CACNG3: variants seen among roughly 807,000 people sequenced by gnomAD.
CACNG3 encodes calcium voltage-gated channel auxiliary subunit gamma 3.
A neutral mutation model predicts 28.5 loss-of-function variants in CACNG3; 3 were observed. The observed-to-expected ratio is 0.11, with a 90% CI of 0.05 to 0.27. The LOEUF (loss-of-function observed/expected upper bound fraction) is 0.27. CACNG3 is among the 10% of genes least tolerant of loss of function. The pLI, the probability that CACNG3 is intolerant of heterozygous loss-of-function variation, is 1.00. For missense variants in CACNG3, 236 were observed against 414.4 expected (o/e 0.57, Z 3.74); for synonymous variants, 174 against 162.2 (o/e 1.07, Z -0.55).
intron 3 of CACNG3, among the ~76,000 whole-genome samples, chr16:24,359,982 CT>C (rs895012557): frequency 5.3e-5 from 8 of 152,224 alleles, no homozygotes; most frequent in African/African-American, 1.9e-4. Flanking sequence ...AGCTTTAACC[CT>C]TTGGTTGCTG....
At chr16:24,328,414 G>T (rs777926538) in intron 1 of CACNG3, among the ~76,000 whole-genome samples, 1 of 148,870 alleles carries the variant, frequency 6.7e-6, no homozygotes, top group Non-Finnish European at 1.5e-5. Flanking sequence ...CGTAGGCCAG[G>T]TTAAGGACTT....
chr16:24,312,150 T>C (rs1899272571), intron 1 of CACNG3, among the ~76,000 whole-genome samples: 2 of 152,196 alleles, frequency 1.3e-5, no homozygotes, highest in African/African-American at 4.8e-5. Context: ...TGGTTCACAG[T>C]GTGCCGGTGG....
chr16:24,323,701 C>G (rs1174949439), intron 1 of CACNG3, among the ~76,000 whole-genome samples: 1 of 152,174 alleles, frequency 6.6e-6, no homozygotes, highest in East Asian at 1.9e-4. Context: ...GAGTCATTAC[C>G]TTTGCCTGGA....
intron 1 of CACNG3, among the ~76,000 whole-genome samples, chr16:24,275,866 T>C (rs754431821): frequency 2.1e-4 from 32 of 152,216 alleles, no homozygotes; most frequent in Non-Finnish European, 4.0e-4. Flanking sequence ...TGTTACAAAG[T>C]TATGCCTGGC....
intron 1 of CACNG3, among the ~76,000 whole-genome samples, chr16:24,342,624 C>G (rs1393721014): frequency 6.6e-6 from 1 of 152,146 alleles, no homozygotes; most frequent in Non-Finnish European, 1.5e-5. Flanking sequence ...ATAGTGGCAT[C>G]AACATGTTTT....
chr16:24,321,513 G>C (rs1899458696), intron 1 of CACNG3, among the ~76,000 whole-genome samples: 1 of 152,190 alleles, frequency 6.6e-6, no homozygotes, highest in South Asian at 2.1e-4. Flanking sequence ...CAGATGGATT[G>C]TGTTAGTATT....
At chr16:24,325,905 A>T (rs76701815) in intron 1 of CACNG3, among the ~76,000 whole-genome samples, 1 of 152,208 alleles carries the variant, frequency 6.6e-6, no homozygotes, top group Non-Finnish European at 1.5e-5. Context: ...AATAAGCGTA[A>T]GCAGCCACAT....
intron 1 of CACNG3, among the ~76,000 whole-genome samples, chr16:24,281,526 T>C (rs977471713): frequency 6.6e-6 from 1 of 152,144 alleles, no homozygotes; most frequent in Non-Finnish European, 1.5e-5. Context: ...TGTACTTGAA[T>C]CCAGCATAAC....
At chr16:24,288,873 A>G (rs553968118) in intron 1 of CACNG3, among the ~76,000 whole-genome samples, 22 of 136,364 alleles carry the variant, frequency 1.6e-4, no homozygotes, top group South Asian at 8.7e-4. Flanking sequence ...TGACACATAA[A>G]CACACACACA....
intron 1 of CACNG3, among the ~76,000 whole-genome samples, chr16:24,267,577 C>T (rs534008206): frequency 1.2e-4 from 18 of 152,266 alleles, no homozygotes; most frequent in Non-Finnish European, 1.6e-4. Flanking sequence ...TTTAAACCAC[C>T]GTGCCCCACC....
chr16:24,317,549 AAAG>A lies in CACNG3; in HGVS notation c.212-29182_212-29180del, dbSNP rs1446232476. Among the ~76,000 whole-genome samples, 346 of 133,220 alleles carry A rather than the reference AAAG, an allele frequency of 2.6e-3. 4 individuals carry two copies. Among genetic ancestry groups the A allele is most frequent in the African/African-American group, 9.7e-3 (335 of 34,664 alleles). The allele number at this position is 133,220 out of a possible 152,430, so 87.4% of individuals were successfully genotyped here. Reference sequence around the variant, plus strand: ...AGGGAGATTCTGTCTCAAAAAAAAAAAAGAAAAAGAAAGAAAGAAAGAAAGAAA... The same window carrying A: ...AGGGAGATTCTGTCTCAAAAAAAAAAAAAAAGAAAGAAAGAAAGAAAGAAA... On this transcript the variant is annotated intron_variant, in intron 1 of 3. Coordinates refer to ENST00000005284, the MANE Select transcript of CACNG3 (RefSeq NM_006539.4).
intron 2 of CACNG3, among the ~76,000 whole-genome samples, chr16:24,353,861 G>T (rs899245115): frequency 6.6e-6 from 1 of 152,076 alleles, no homozygotes; most frequent in Non-Finnish European, 1.5e-5. Context: ...ATACAGGGCT[G>T]GCTGCGTCAT....
At position 24,361,265 on chromosome 16, in the gene CACNG3, A is replaced by G; in HGVS notation, c.437-87A>G. 1 of 1,114,964 alleles carries G rather than the reference A, an allele frequency of 9.0e-7. No individual in the cohort carries two copies. The highest frequency in any genetic ancestry group is 1.3e-6 in the Non-Finnish European group (1 of 769,632). The allele number at this position is 1,114,964 out of a possible 1,614,324, so 69.1% of individuals were successfully genotyped here. On this transcript the variant is annotated intron_variant, in intron 3 of 3. Coordinates refer to ENST00000005284, the MANE Select transcript of CACNG3 (RefSeq NM_006539.4). This position sits in a 1 kb window ranked among gnomAD's most constrained non-coding sequence, Gnocchi z 6.8. ...ATTCTCCTCTCTCCCCATTACCTCC[A>G]CATTTTCTATAAATATTTTAAGATG...
chr16:24,285,146 T>C (rs1043418940), intron 1 of CACNG3, among the ~76,000 whole-genome samples: 2 of 152,136 alleles, frequency 1.3e-5, no homozygotes, highest in African/African-American at 4.8e-5. Flanking sequence ...TCATCAGGAC[T>C]TACTCTGGGA....
At chr16:24,307,845 G>T (rs1158956656) in intron 1 of CACNG3, among the ~76,000 whole-genome samples, 1 of 152,150 alleles carries the variant, frequency 6.6e-6, no homozygotes, top group African/African-American at 2.4e-5. Context: ...TAATTTCATT[G>T]CATCGTTGGA....
chr16:24,359,462 G>C (rs1900077677), intron 3 of CACNG3, among the ~76,000 whole-genome samples: 1 of 152,130 alleles, frequency 6.6e-6, no homozygotes, highest in Admixed American at 6.5e-5. Context: ...CCTACCTGCT[G>C]AATGTCTGTG....
At chr16:24,317,622 G>GAAAAGA (rs1471011136) in intron 1 of CACNG3, among the ~76,000 whole-genome samples, 1 of 57,926 alleles carries the variant, frequency 1.7e-5, no homozygotes. Flanking sequence ...AAGAAAGAAA[G>GAAAAGA]AAAGACAGAC....
At chr16:24,273,818 C>T (rs1040650142) in intron 1 of CACNG3, among the ~76,000 whole-genome samples, 8 of 152,110 alleles carry the variant, frequency 5.3e-5, no homozygotes, top group Non-Finnish European at 7.4e-5. Flanking sequence ...TTTCATTTTT[C>T]CTGGCATTTC....
At chr16:24,309,893 C>T (rs1169565599) in intron 1 of CACNG3, among the ~76,000 whole-genome samples, 2 of 152,108 alleles carry the variant, frequency 1.3e-5, no homozygotes, top group African/African-American at 4.8e-5. Context: ...TGGACAAGAG[C>T]TGGATCACAG....
Sources: gnomAD v4.1 joint callset for allele counts (sites outside exome capture counted in the v4.1 genomes callset) on GRCh38, gnomAD v4.1.1 for gene constraint, Gnocchi (gnomAD v3.1) non-coding constraint, MANE v1.5 for transcripts, NCBI Gene and HGNC (gene_info 2026-07-23, HGNC 2026-07-21) for gene names.